Variants in NCOR2 observed in about 807,000 individuals in gnomAD.
The protein encoded by NCOR2 is CTG repeat protein 26.
In NCOR2, 81 loss-of-function variants were observed where a neutral mutation model predicts 262.9. That is an observed-to-expected ratio of 0.31 (90% CI 0.26 to 0.37). NCOR2 has a LOEUF of 0.37. Ranked by LOEUF, NCOR2 falls within the 10% of genes least tolerant of loss-of-function variation. The pLI, the probability that NCOR2 is intolerant of heterozygous loss-of-function variation, is 1.00. For missense variants in NCOR2, 3,385 were observed against 3,621.4 expected, an observed-to-expected ratio of 0.93 and a Z score of 1.68; for synonymous variants, 1,659 against 1,559.3, an observed-to-expected ratio of 1.06 and a Z score of -1.51.
chr12:124,420,167 G>GTGACCTCGGACAGATGACC, intron 12 of NCOR2, 112 bp from the exon 15 acceptor site: 1 of 823,976 alleles, frequency 1.2e-6, no homozygotes, highest in Admixed American at 2.1e-5. Context: ...TACCGGCTGG[G>GTGACCTCGGACAGATGACC]TGACCTCGGA....
intron 4 of NCOR2, 122 bp from the exon 7 acceptor site, chr12:124,466,408 C>T: frequency 1.2e-6 from 1 of 811,422 alleles, no homozygotes; most frequent in South Asian, 1.6e-5. Context: ...GGAAGTCAGG[C>T]TGCTACACAT....
exon 34 of NCOR2, chr12:124,341,855 G>A (rs562657424): frequency 1.9e-6 from 3 of 1,609,620 alleles, no homozygotes; most frequent in South Asian, 1.1e-5. Context: ...GAGTGCCAGC[G>A]AGGACTCGCG....
chr12:124,371,396 G>GA (rs2039500597), intron 20 of NCOR2, among the ~76,000 whole-genome samples: 1 of 152,320 alleles, frequency 6.6e-6, no homozygotes, highest in African/African-American at 2.4e-5. Context: ...ACCTTATTTG[G>GA]AAATAGACTG....
intron 37 of NCOR2, among the ~76,000 whole-genome samples, chr12:124,338,400 T>G (rs2036076332): frequency 6.7e-6 from 1 of 149,964 alleles, no homozygotes. Context: ...TGCAGCTACT[T>G]GGGAGGCTGA....
At chr12:124,541,982 G>C (rs2051380408) in intron 1 of NCOR2, among the ~76,000 whole-genome samples, 1 of 151,346 alleles carries the variant, frequency 6.6e-6, no homozygotes, top group Non-Finnish European at 1.5e-5. Context: ...CAGGAGGGGA[G>C]CCACGTGCTC....
rs1441234848 is a variant in NCOR2, at chr12:124,343,231, G to A, written c.4715-5C>T. On this transcript the variant is annotated splice_region_variant and splice_polypyrimidine_tract_variant and intron_variant, in intron 32 of 46. Transcript: ENST00000405201. ...CCTTGCTGGACGAAAGGCTGCCTGT[G>A]GACGGGCAAGGTGGATGCATCGGGC... The A allele has an allele frequency of 1.2e-6, 2 of 1,607,394 alleles. No homozygotes were observed. Among genetic ancestry groups the A allele is most frequent in the South Asian group, 2.2e-5 (2 of 90,522 alleles).
chr12:124,540,318 G>A (rs978053881), upstream of NCOR2, among the ~76,000 whole-genome samples: 8 of 148,376 alleles, frequency 5.4e-5, no homozygotes, highest in East Asian at 1.7e-3. Context: ...AAGGAAAAAA[G>A]AGCACTCCAG....
chr12:124,534,566 T>A (rs1038462399), intron 1 of NCOR2, among the ~76,000 whole-genome samples: 3 of 152,212 alleles, frequency 2.0e-5, no homozygotes, highest in African/African-American at 7.2e-5. Context: ...GGAACAAGAA[T>A]GAAATCTCCC....
At position 124,369,285 on chromosome 12, in the gene NCOR2, G is replaced by A. The variant is rs111641171; in HGVS notation, c.2807+2737C>T. 7.5e-3 allele frequency among the ~76,000 whole-genome samples: 1,144 copies of A among 152,338 alleles called. 15 individuals are homozygous for A. Among genetic ancestry groups the A allele is most frequent in the African/African-American group, 0.023 (970 of 41,582 alleles). The stretch of plus-strand genomic sequence containing the variant: ...TCTGCCAAGAAAACACCCAGGCAGA[G>A]CCACCTCGAAGAAAGTGCCAGCGGG... On this transcript the variant is annotated intron_variant, in intron 20 of 46. Coordinates refer to ENST00000405201, the Ensembl canonical transcript of NCOR2.
intron 16 of NCOR2, among the ~76,000 whole-genome samples, chr12:124,392,460 C>T (rs974240667): frequency 6.6e-6 from 1 of 152,162 alleles, no homozygotes; most frequent in Non-Finnish European, 1.5e-5. Context: ...CCCCGAGGCA[C>T]CGCACCGTCC....
chr12:124,405,939 C>CTGCA (rs1426547156), intron 13 of NCOR2, among the ~76,000 whole-genome samples: 1 of 152,178 alleles, frequency 6.6e-6, no homozygotes, highest in Admixed American at 6.5e-5. Flanking sequence ...ATGACATTGG[C>CTGCA]TGCACACTCA....
intron 7 of NCOR2, among the ~76,000 whole-genome samples, chr12:124,447,276 G>A (rs1231408990): frequency 4.6e-5 from 7 of 152,360 alleles, no homozygotes; most frequent in Admixed American, 1.3e-4. Flanking sequence ...CAAATTCAGT[G>A]AGGCGGTTAC....
In NCOR2 at chr12:124,422,481, T is replaced by TG. The variant is rs746552513; in HGVS notation, c.1383+19dup. ...CACGGAGGTGGAGACCGAAGGGGTATGGGGCGGGCAGCGACTCACCTTCCT... is the reference window on the plus strand; with the variant it reads ...CACGGAGGTGGAGACCGAAGGGGTATGGGGGCGGGCAGCGACTCACCTTCCT... On this transcript the variant is annotated intron_variant, in intron 12 of 46. Coordinates refer to ENST00000405201, the Ensembl canonical transcript of NCOR2. The TG allele has an allele frequency of 5.6e-6, 9 of 1,613,768 alleles. No individual in the cohort carries two copies. The highest frequency in any genetic ancestry group is 6.8e-6 in the Non-Finnish European group (8 of 1,179,958).
chr12:124,356,533 C>T (rs529269363), intron 23 of NCOR2, 109 bp downstream of exon 25: 2 of 1,005,340 alleles, frequency 2.0e-6, no homozygotes, highest in East Asian at 3.2e-5. Flanking sequence ...CCAGCCAGGT[C>T]CCATAAGGCT....
chr12:124,339,986 C>G lies in NCOR2; in HGVS notation c.5687+20G>C, dbSNP rs1366554161. ...ACCCATCCACCTGCCCGCCCCCTCCCCCATGCCAACCTGGCCCACCTCAGG... is the reference window on the plus strand; with the variant it reads ...ACCCATCCACCTGCCCGCCCCCTCCGCCATGCCAACCTGGCCCACCTCAGG... On this transcript the variant is annotated intron_variant, in intron 37 of 46. Coordinates refer to ENST00000405201, the Ensembl canonical transcript of NCOR2. 13 of 1,610,414 alleles carry G rather than the reference C, an allele frequency of 8.1e-6. No individual in the cohort carries two copies. In the South Asian group the frequency reaches 1.4e-4, roughly 18 times the overall value.
chr12:124,390,491 G>A (rs959535284), intron 16 of NCOR2, among the ~76,000 whole-genome samples: 2 of 115,086 alleles, frequency 1.7e-5, no homozygotes, highest in East Asian at 2.7e-4. Flanking sequence ...CCCCCCCGTC[G>A]CCCTGCCATC....
At chr12:124,544,070 C>A (rs147553407) in intron 1 of NCOR2, among the ~76,000 whole-genome samples, 1 of 152,320 alleles carries the variant, frequency 6.6e-6, no homozygotes, top group Non-Finnish European at 1.5e-5. Flanking sequence ...GCACCAGCGA[C>A]GCCGCCTCTG....
chr12:124,410,969 G>C (rs1158646855), intron 13 of NCOR2, among the ~76,000 whole-genome samples: 1 of 151,078 alleles, frequency 6.6e-6, no homozygotes, highest in East Asian at 1.9e-4. Flanking sequence ...GGAGAAAGGT[G>C]GGGGAGGAGC....
At chr12:124,402,448 C>T (rs1565911044) in exon 14 of NCOR2, 5 of 1,613,642 alleles carry the variant, frequency 3.1e-6, no homozygotes, top group Non-Finnish European at 3.4e-6. Context: ...GCTTCTCCTC[C>T]TCCTTCTCCG....
Sources: gnomAD v4.1 joint callset for allele counts (sites outside exome capture counted in the v4.1 genomes callset) on GRCh38, gnomAD v4.1.1 for gene constraint, MANE v1.5 for transcripts, NCBI Gene and HGNC (gene_info 2026-07-23, HGNC 2026-07-21) for gene names.